The following DGKG variants were observed in gnomAD, a reference collection of about 807,000 sequenced individuals.
DGKG encodes diacylglycerol kinase gamma, also known as DAG kinase gamma.
DGKG carries 78 observed loss-of-function variants against 105.3 expected under a neutral mutation model. The observed-to-expected ratio is 0.74, with a 90% CI of 0.62 to 0.89. DGKG has a LOEUF of 0.89. Among genes scored for constraint, DGKG ranks in the 40% least tolerant of loss-of-function variants. DGKG has a pLI of 0.00. For synonymous variants in DGKG, 346 were observed against 367.1 expected (o/e 0.94, Z 0.66); for missense variants, 958 against 1,020.1 (o/e 0.94, Z 0.83).
intron 1 of DGKG, among the ~76,000 whole-genome samples, chr3:186,340,570 T>C (rs576542348): frequency 1.3e-5 from 2 of 152,318 alleles, no homozygotes; most frequent in South Asian, 4.1e-4. Flanking sequence ...GAGTTTAGTT[T>C]GGTCAGAAAG....
At chr3:186,321,610 A>C (rs1264522485) in intron 1 of DGKG, among the ~76,000 whole-genome samples, 2 of 152,222 alleles carry the variant, frequency 1.3e-5, no homozygotes, top group Non-Finnish European at 2.9e-5. Flanking sequence ...AGTTTTAACA[A>C]AACAGGATCC....
At chr3:186,188,753 GAATTCAGAACCTAACAAATGACAGAA>G (rs1403996765) in intron 21 of DGKG, among the ~76,000 whole-genome samples, 3 of 152,056 alleles carry the variant, frequency 2.0e-5, no homozygotes, top group African/African-American at 7.2e-5. Flanking sequence ...TAGTGGAACT[GAATTCAGAACCTAACAAATGACAGAA>G]AATTCAGAAC....
intron 19 of DGKG, among the ~76,000 whole-genome samples, chr3:186,243,364 C>T (rs1241034158): frequency 1.3e-5 from 2 of 152,106 alleles, no homozygotes; most frequent in African/African-American, 2.4e-5. Context: ...CTCCAGCACT[C>T]ACAGTTAGGA....
intron 9 of DGKG, among the ~76,000 whole-genome samples, chr3:186,276,157 G>A (rs980557298): frequency 6.6e-6 from 1 of 152,114 alleles, no homozygotes; most frequent in Non-Finnish European, 1.5e-5. Flanking sequence ...ATAATGAAAA[G>A]CTGGAAATAT....
intron 1 of DGKG, among the ~76,000 whole-genome samples, chr3:186,334,396 G>T (rs1376181818): frequency 6.6e-6 from 1 of 152,116 alleles, no homozygotes; most frequent in African/African-American, 2.4e-5. Context: ...AGAAACCTAG[G>T]GCTGAGTTTA....
intron 1 of DGKG, among the ~76,000 whole-genome samples, chr3:186,323,557 G>A (rs1725181308): frequency 6.6e-6 from 1 of 152,174 alleles, no homozygotes; most frequent in South Asian, 2.1e-4. Flanking sequence ...ACTTTAGGAG[G>A]CTAAGATGGG....
chr3:186,355,741 C>T (rs1726924775), intron 1 of DGKG, among the ~76,000 whole-genome samples: 1 of 151,964 alleles, frequency 6.6e-6, no homozygotes, highest in Non-Finnish European at 1.5e-5. Flanking sequence ...GTCCTACCAC[C>T]AGCATCACCA....
chr3:186,352,799 T>C (rs1215216446), intron 1 of DGKG, among the ~76,000 whole-genome samples: 1 of 152,128 alleles, frequency 6.6e-6, no homozygotes, highest in African/African-American at 2.4e-5. Context: ...AGCCTCACTT[T>C]CCATCTTCTC....
chr3:186,257,009 C>T (rs779823322), intron 17 of DGKG, among the ~76,000 whole-genome samples: 5 of 152,164 alleles, frequency 3.3e-5, no homozygotes, highest in East Asian at 3.8e-4. Context: ...AATTTTTGTC[C>T]GTTCATTCCC....
chr3:186,315,233 A>C (rs982586720), intron 2 of DGKG, among the ~76,000 whole-genome samples: 1 of 152,194 alleles, frequency 6.6e-6, no homozygotes, highest in African/African-American at 2.4e-5. Context: ...AGATTTGACC[A>C]CTAGTAATTA....
At chr3:186,250,115 G>A (rs1419110514) in intron 19 of DGKG, among the ~76,000 whole-genome samples, 2 of 152,148 alleles carry the variant, frequency 1.3e-5, no homozygotes, top group Non-Finnish European at 2.9e-5. Context: ...CACCATGCGA[G>A]TCAAGGGTCT....
intron 22 of DGKG, among the ~76,000 whole-genome samples, chr3:186,185,108 G>A (rs144849572): frequency 2.0e-5 from 3 of 152,306 alleles, no homozygotes; most frequent in South Asian, 2.1e-4. Context: ...CTAGCGACAG[G>A]CAGAGTCTGG....
At chr3:186,222,393 T>C (rs1363869431) in intron 20 of DGKG, among the ~76,000 whole-genome samples, 1 of 152,138 alleles carries the variant, frequency 6.6e-6, no homozygotes, top group African/African-American at 2.4e-5. Flanking sequence ...GGAGTTCTGG[T>C]GGGAAGGCAG....
chr3:186,248,821 T>C (rs1285494962), intron 19 of DGKG, among the ~76,000 whole-genome samples: 3 of 152,176 alleles, frequency 2.0e-5, no homozygotes, highest in African/African-American at 7.2e-5. Flanking sequence ...AGCCTGAACT[T>C]GTTTCTGTAC....
intron 14 of DGKG, 57 bp downstream of exon 14, chr3:186,265,190 C>T (rs1001858176): frequency 1.5e-5 from 23 of 1,565,932 alleles, no homozygotes; most frequent in African/African-American, 8.1e-5. Flanking sequence ...CCGTCTTGCC[C>T]GCCACAGCCC....
chr3:186,358,453 C>T (rs1354543700), intron 1 of DGKG, among the ~76,000 whole-genome samples: 4 of 151,354 alleles, frequency 2.6e-5, no homozygotes, highest in African/African-American at 4.9e-5. Context: ...TGGAGATCAA[C>T]GAGGCTCTAG....
chr3:186,324,508 G>A (rs1400121748), intron 1 of DGKG, among the ~76,000 whole-genome samples: 8 of 140,290 alleles, frequency 5.7e-5, no homozygotes, highest in African/African-American at 1.1e-4. Context: ...TGGCTTAAAC[G>A]ATCAGCTGAA....
At chr3:186,336,824 C>A (rs925782222) in intron 1 of DGKG, among the ~76,000 whole-genome samples, 1 of 152,052 alleles carries the variant, frequency 6.6e-6, no homozygotes, top group African/African-American at 2.4e-5. Context: ...ATAACTATAA[C>A]GTAAGAGATT....
chr3:186,149,351 T>G lies in DGKG; in HGVS notation c.*739A>C. ...CAGAACTAAGAAAATAAATACCACA[T>G]CTAAGGTGTGCTATGCAGGCAGCTC... On this transcript the variant is annotated 3_prime_UTR_variant, in exon 25 of 25. Transcript: ENST00000265022. 1.0e-6 allele frequency: 1 copy of G among 985,236 alleles called. No homozygotes were observed. Among genetic ancestry groups the G allele is most frequent in the Non-Finnish European group, 1.2e-6 (1 of 829,904 alleles). The allele number at this position is 985,236 out of a possible 1,614,324, so 61.0% of individuals were successfully genotyped here.
Sources: allele counts gnomAD v4.1 joint callset (sites outside exome capture counted in the v4.1 genomes callset), GRCh38; gene constraint gnomAD v4.1.1; transcripts MANE v1.5; gene names NCBI Gene and HGNC (gene_info 2026-07-23, HGNC 2026-07-21).